MRPL38: variants seen among roughly 807,000 people sequenced by gnomAD.
MRPL38 encodes the protein large ribosomal subunit protein mL38.
Under a neutral mutation model 52.1 loss-of-function variants are expected in MRPL38, and 51 were observed. The ratio of observed to expected loss-of-function variants is 0.98; its 90% CI spans 0.78 to 1.24. The LOEUF (loss-of-function observed/expected upper bound fraction) is 1.24, where lower values mean the gene tolerates loss of function less well. Among genes scored for constraint, MRPL38 ranks in the 50% most tolerant of loss-of-function variants. The probability of loss-of-function intolerance (pLI) is 0.00; values close to 1 mark genes in which losing one functional copy is unlikely to be tolerated. For synonymous variants in MRPL38, 245 were observed against 212.7 expected, an observed-to-expected ratio of 1.15 and a Z score of -1.32; for missense variants, 527 against 518.6, an observed-to-expected ratio of 1.02 and a Z score of -0.16.
chr17:75,901,045 T>A lies in MRPL38; in HGVS notation c.665-18A>T, dbSNP rs1278267863. 16 of 1,610,592 alleles carry A rather than the reference T, an allele frequency of 9.9e-6. No homozygotes were observed. The highest frequency in any genetic ancestry group is 1.4e-5 in the Non-Finnish European group (16 of 1,178,768). The stretch of plus-strand genomic sequence containing the variant: ...GTGCCCATCTGCACAAAAACACACC[T>A]GCTGACCACGGCCCAGCCGACCACG... On this transcript the variant is annotated intron_variant, in intron 5 of 8. Coordinates refer to ENST00000309352, the MANE Select transcript of MRPL38 (RefSeq NM_032478.4). The surrounding 1 kb of genome is among the most constrained non-coding windows in gnomAD (Gnocchi z 5.7).
intron 2 of MRPL38, among the ~76,000 whole-genome samples, chr17:75,903,976 C>T (rs2144135990): frequency 6.6e-6 from 1 of 152,346 alleles, no homozygotes; most frequent in African/African-American, 2.4e-5. Context: ...GATCCGCCCG[C>T]CTAGGCCTCC....
At position 75,904,881 on chromosome 17, in the gene MRPL38, C is replaced by T; in HGVS notation, c.-6G>A. 6.6e-7 allele frequency: 1 copy of T among 1,525,580 alleles called. No homozygotes were observed. The highest frequency in any genetic ancestry group is 1.4e-5 in the African/African-American group (1 of 70,808). 94.5% of individuals were successfully genotyped at this position (1,525,580 alleles called of 1,614,324 possible). On this transcript the variant is annotated 5_prime_UTR_variant, in exon 1 of 9. Transcript: ENST00000309352. ...CGCCACCAGGGCGCCGCCATCTTCC[C>T]TCCGGCCTGCGACACTGCGGCCGCC...
intron 6 of MRPL38, chr17:75,900,704 G>C: frequency 8.3e-7 from 1 of 1,203,880 alleles, no homozygotes; most frequent in Non-Finnish European, 1.1e-6. Context: ...CTGGGGGACA[G>C]AGTGAGACCC....
At position 75,901,282 on chromosome 17, in the gene MRPL38, G is replaced by A. The variant is rs1027419802; in HGVS notation, c.592-9C>T. 4 of 1,612,322 alleles carry A rather than the reference G, an allele frequency of 2.5e-6. No individual in the cohort carries two copies. The highest frequency in any genetic ancestry group is 1.1e-5 in the South Asian group (1 of 90,732). ...TCTGGCGCTTGGGCAGCCTGGCAGG[G>A]TGAGAAGGAAGCTGTCAGCCCCACC... On this transcript the variant is annotated splice_polypyrimidine_tract_variant and intron_variant, in intron 4 of 8. Coordinates refer to ENST00000309352, the MANE Select transcript of MRPL38 (RefSeq NM_032478.4). This position sits in a 1 kb window ranked among gnomAD's most constrained non-coding sequence, Gnocchi z 5.7.
Position 75,901,640 on chromosome 17 carries a change from G to T in MRPL38, c.591+72C>A. On this transcript the variant is annotated intron_variant, in intron 4 of 8. Transcript: ENST00000309352. The surrounding 1 kb of genome is among the most constrained non-coding windows in gnomAD (Gnocchi z 5.7). Reference sequence around the variant, plus strand: ...ACAACAAAATTCCAAACCCAGGAGTGTCTGTGACACTGAGATGGGATGTGT... The same window carrying T: ...ACAACAAAATTCCAAACCCAGGAGTTTCTGTGACACTGAGATGGGATGTGT... 1.5e-6 allele frequency: 2 copies of T among 1,333,904 alleles called. No homozygotes were observed. The highest frequency in any genetic ancestry group is 2.1e-6 in the Non-Finnish European group (2 of 931,694). 82.6% of individuals were successfully genotyped at this position (1,333,904 alleles called of 1,614,324 possible).
intron 1 of MRPL38, 34 bp from the exon 2 acceptor site, chr17:75,904,753 C>A: frequency 6.7e-7 from 1 of 1,497,190 alleles, no homozygotes; most frequent in South Asian, 1.3e-5. Flanking sequence ...GGCCGGCGCC[C>A]CACAGCTCGG....
rs1567851986 is a variant in MRPL38, at chr17:75,898,872, T to G, written c.1121A>C (p.Glu374Ala). The G allele has an allele frequency of 2.5e-6, 4 of 1,611,944 alleles. No homozygotes were observed. Among genetic ancestry groups the G allele is most frequent in the South Asian group, 1.1e-5 (1 of 90,964 alleles). Residue 374 changes from glutamate to alanine, a missense_variant, in exon 9 of 9, where the codon GAG (glutamate) becomes GCG (alanine). Coordinates refer to ENST00000309352, the MANE Select transcript of MRPL38 (RefSeq NM_032478.4). ...TCCTTAGTAGATGCCATAGGTGGGC[T>G]CATGACTGTCCCTGTACCGGTCCAG... is the stretch of plus-strand genomic sequence containing the variant. The part of the protein sequence containing the change: ...RYLDRYRDSH[E>A]PTYGIY
In MRPL38 at chr17:75,902,103, G is replaced by C; in HGVS notation, c.299C>G (p.Thr100Ser). 6.3e-7 allele frequency: 1 copy of C among 1,599,514 alleles called. No homozygotes were observed. The highest frequency in any genetic ancestry group is 8.5e-7 in the Non-Finnish European group (1 of 1,173,436). The change falls in exon 3 of 9, where the codon ACC (threonine) becomes AGC (serine). Residue 100 changes from threonine to serine, a missense_variant. Thr to Ser is a moderately conservative substitution (Grantham distance 58, BLOSUM62 1). Coordinates refer to ENST00000309352, the MANE Select transcript of MRPL38 (RefSeq NM_032478.4). ...IGLPPPKVSR[T>S]QQLLERKQAI... is the part of the protein sequence containing the mutation. ...CTGTTTCCGTTCCAGTAGCTGTTGG[G>C]TCCGGGAGACTTTGGGTGGAGGCAG...
intron 6 of MRPL38, 163 bp from the exon 7 acceptor site, chr17:75,899,837 G>C (rs1175935789): frequency 1.6e-5 from 8 of 496,880 alleles, no homozygotes; most frequent in African/African-American, 4.0e-5. Flanking sequence ...TGAACGCCGG[G>C]ACATGCTGCA....
rs1161676909 is a variant in MRPL38, at chr17:75,901,398, G to C, written c.592-125C>G. On this transcript the variant is annotated intron_variant, in intron 4 of 8. Transcript: ENST00000309352. This position sits in a 1 kb window ranked among gnomAD's most constrained non-coding sequence, Gnocchi z 5.7. ...TGACAACCCCTGGCACAGGCAGGCA[G>C]GCAAAGGGATGCGTAGAGAAGCAGC... is the stretch of plus-strand genomic sequence containing the variant. 3 of 942,090 alleles carry C rather than the reference G, an allele frequency of 3.2e-6. No individual in the cohort carries two copies. In the Admixed American group the frequency reaches 6.1e-5, roughly 19 times the overall value. 58.4% of individuals were successfully genotyped at this position (942,090 alleles called of 1,614,324 possible). A position where few individuals can be genotyped will look rare whatever the true frequency, so the allele number is the denominator to read the frequency against.
rs2065405066 is a variant in MRPL38 at position 75,901,716 on chromosome 17, G to A, written c.587C>T (p.Thr196Ile). ...PVYCGNEVTP[T>I]EAAQAPEVTY... ...GGGGCACAAGTGAGTGGTTACCTCG[G>A]TTGGAGTCACCTCATTGCCACAGTA... is the stretch of plus-strand genomic sequence containing the variant. The change falls in exon 4 of 9, where the codon ACC becomes ATC. Residue 196 changes from threonine (T) to isoleucine (I), a missense_variant. By Grantham distance (89) the Thr-to-Ile change is moderately conservative. Coordinates refer to ENST00000309352, the MANE Select transcript of MRPL38 (RefSeq NM_032478.4). The surrounding 1 kb of genome is among the most constrained non-coding windows in gnomAD (Gnocchi z 5.7). 1 of 1,613,604 alleles carries A rather than the reference G, an allele frequency of 6.2e-7. No individual in the cohort carries two copies.
chr17:75,901,150 G>C lies in MRPL38; in HGVS notation c.664+51C>G. ...CCTCCCCCAGCCCCCCAGGGCCCTGGCTCATAGGAGGTGAGCGGGGCAGGA... is the reference window on the plus strand; with the variant it reads ...CCTCCCCCAGCCCCCCAGGGCCCTGCCTCATAGGAGGTGAGCGGGGCAGGA... On this transcript the variant is annotated intron_variant, in intron 5 of 8. Coordinates refer to ENST00000309352, the MANE Select transcript of MRPL38 (RefSeq NM_032478.4). The surrounding 1 kb of genome is among the most constrained non-coding windows in gnomAD (Gnocchi z 5.7). The C allele has an allele frequency of 1.2e-6, 2 of 1,607,722 alleles. No individual in the cohort carries two copies.
rs1599473270 is a variant in MRPL38, at chr17:75,901,556, G to A, written c.591+156C>T. ...ACAGAGCCTCTTTTTCCTTCATTTT[G>A]TTCTATTTTCTTTGAAATTGTCATG... On this transcript the variant is annotated intron_variant, in intron 4 of 8. Transcript: ENST00000309352. The surrounding 1 kb of genome is among the most constrained non-coding windows in gnomAD (Gnocchi z 5.7). The A allele has an allele frequency of 1.4e-6, 1 of 711,144 alleles. No individual in the cohort carries two copies. Among genetic ancestry groups the A allele is most frequent in the East Asian group, 2.7e-5 (1 of 36,894 alleles). 44.1% of individuals were successfully genotyped at this position (711,144 alleles called of 1,614,324 possible). A position where few individuals can be genotyped will look rare whatever the true frequency, so the allele number is the denominator to read the frequency against.
chr17:75,900,696 G>A, intron 6 of MRPL38: 2 of 1,153,450 alleles, frequency 1.7e-6, no homozygotes, highest in Non-Finnish European at 2.2e-6. Context: ...ACTCCAGCCT[G>A]GGGGACAGAG....
intron 2 of MRPL38, among the ~76,000 whole-genome samples, chr17:75,903,488 T>A (rs888414511): frequency 6.6e-6 from 1 of 152,178 alleles, no homozygotes; most frequent in Non-Finnish European, 1.5e-5. Flanking sequence ...TGCCAATGAA[T>A]TGCCTCTTTT....
At chr17:75,900,324 C>T (rs1203267043) in intron 6 of MRPL38, 1 of 152,338 alleles carries the variant, frequency 6.6e-6, no homozygotes, top group African/African-American at 2.4e-5. Context: ...GACGCCACAG[C>T]TGCTAGGCCT....
At chr17:75,899,872 C>T (rs1306609261) in intron 6 of MRPL38, 198 bp from the exon 7 acceptor site, 2 of 402,306 alleles carry the variant, frequency 5.0e-6, no homozygotes, top group African/African-American at 4.1e-5. Context: ...GCTGGAGGAG[C>T]TCCGAGTGGG....
At chr17:75,902,383 G>A (rs1026393289) in intron 2 of MRPL38, 4 of 550,850 alleles carry the variant, frequency 7.3e-6, no homozygotes, top group Non-Finnish European at 1.3e-5. Flanking sequence ...GATTACAGTA[G>A]TGTGAGCCAC....
At chr17:75,900,774 C>G (rs1196508405) in intron 6 of MRPL38, 4 of 1,401,530 alleles carry the variant, frequency 2.9e-6, no homozygotes, top group East Asian at 5.2e-5. Context: ...GGGGACTGAC[C>G]GAGGCCTACT....
Sources: allele counts gnomAD v4.1 joint callset (sites outside exome capture counted in the v4.1 genomes callset), GRCh38; gene constraint gnomAD v4.1.1; non-coding constraint Gnocchi (gnomAD v3.1); transcripts MANE v1.5; gene names NCBI Gene and HGNC (gene_info 2026-07-23, HGNC 2026-07-21).